HIVEP3: variants seen among roughly 807,000 people sequenced by gnomAD.
The protein encoded by HIVEP3 is HIVEP zinc finger 3.
HIVEP3 carries 49 observed loss-of-function variants against 152.8 expected under a neutral mutation model. The ratio of observed to expected loss-of-function variants is 0.32; its 90% CI spans 0.26 to 0.41. HIVEP3 has a LOEUF of 0.41. HIVEP3 is among the 10% of genes least tolerant of loss of function. The pLI is 1.00. For missense variants in HIVEP3, 2,790 were observed against 3,103.3 expected (o/e 0.90, Z 2.40); for synonymous variants, 1,269 against 1,289.0 (o/e 0.98, Z 0.33).
At position 41,584,444 on chromosome 1, in the gene HIVEP3, T is replaced by C. The variant is rs529220858; in HGVS notation, c.354A>G (p.Thr118=). The C allele has an allele frequency of 3.7e-6, 6 of 1,614,036 alleles. No individual in the cohort carries two copies. The highest frequency in any genetic ancestry group is 1.1e-5 in the South Asian group (1 of 91,078). ...GKPEHLLEGS[T]WQLVDPMRPG... The stretch of plus-strand genomic sequence containing the variant: ...GTCTCATGGGGTCAACCAGTTGCCA[T>C]GTGGACCCCTCCAGGAGATGCTCAG... The change falls in exon 4 of 9, where the codon ACA becomes ACG. Residue 118 remains threonine, a synonymous_variant. Transcript: ENST00000372583. The surrounding 1 kb of genome is among the most constrained non-coding windows in gnomAD (Gnocchi z 5.2).
At chr1:41,990,820 T>A (rs1407020062) in intron 1 of HIVEP3, among the ~76,000 whole-genome samples, 10 of 117,414 alleles carry the variant, frequency 8.5e-5, no homozygotes, top group African/African-American at 3.3e-4. Context: ...CACAGTGCAA[T>A]CAAACTAGAA....
At chr1:41,993,541 C>T (rs1443661837) in intron 1 of HIVEP3, among the ~76,000 whole-genome samples, 1 of 152,180 alleles carries the variant, frequency 6.6e-6, no homozygotes, top group Non-Finnish European at 1.5e-5. Context: ...AACACTTATA[C>T]ACTGTTGGTG....
intron 1 of HIVEP3, among the ~76,000 whole-genome samples, chr1:41,926,269 C>T (rs1426154675): frequency 1.3e-5 from 2 of 152,200 alleles, no homozygotes; most frequent in African/African-American, 4.8e-5. Context: ...AAGCCACACA[C>T]CTCCCCTGAC....
At chr1:41,734,698 G>C (rs1558222618) in intron 1 of HIVEP3, among the ~76,000 whole-genome samples, 1 of 152,178 alleles carries the variant, frequency 6.6e-6, no homozygotes, top group Non-Finnish European at 1.5e-5. Flanking sequence ...TTGGGCAGTA[G>C]GAAGTCCAGC....
intron 1 of HIVEP3, among the ~76,000 whole-genome samples, chr1:41,758,238 C>T (rs12126740): frequency 0.86 from 130,606 of 151,934 alleles, 58,862 homozygotes; most frequent in Non-Finnish European, 1. Context: ...GACACTATGT[C>T]TGGAGTGAGA....
chr1:41,662,263 C>T lies in HIVEP3; in HGVS notation c.-720-33316G>A, dbSNP rs2124048065. The stretch of plus-strand genomic sequence containing the variant: ...GCGCTCGGCTCCGCCCGGCTCGGCT[C>T]CGCCCGGCGGTGCCCCAGGCGCTCG... On this transcript the variant is annotated intron_variant, in intron 2 of 8. Coordinates refer to ENST00000372583, the MANE Select transcript of HIVEP3 (RefSeq NM_024503.5). This position sits in a 1 kb window ranked among gnomAD's most constrained non-coding sequence, Gnocchi z 7.2. The T allele has an allele frequency of 6.9e-6, 1 of 145,902 alleles. No individual in the cohort carries two copies. Among genetic ancestry groups the T allele is most frequent in the East Asian group, 2.0e-4 (1 of 5,012 alleles). 9.0% of individuals were successfully genotyped at this position (145,902 alleles called of 1,614,324 possible). A position where few individuals can be genotyped will look rare whatever the true frequency, so the allele number is the denominator to read the frequency against.
chr1:41,661,132 A>G (rs760199546), intron 2 of HIVEP3, among the ~76,000 whole-genome samples: 45 of 152,154 alleles, frequency 3.0e-4, no homozygotes, highest in Non-Finnish European at 4.9e-4. Context: ...CTCTGGGGAC[A>G]CTCATTCCAT....
At chr1:41,899,929 C>T (rs1042163857) in intron 1 of HIVEP3, among the ~76,000 whole-genome samples, 5 of 152,198 alleles carry the variant, frequency 3.3e-5, no homozygotes, top group African/African-American at 1.2e-4. Context: ...CCAAAACATT[C>T]TCAGGCCATG....
intron 3 of HIVEP3, among the ~76,000 whole-genome samples, chr1:41,617,452 G>GTT (rs1401714159): frequency 6.6e-6 from 1 of 152,184 alleles, no homozygotes; most frequent in East Asian, 1.9e-4. Flanking sequence ...CCCTGGGGTG[G>GTT]TTGAGGACAG....
chr1:41,688,006 A>G (rs1382311833), intron 2 of HIVEP3, among the ~76,000 whole-genome samples: 1 of 152,240 alleles, frequency 6.6e-6, no homozygotes, highest in Non-Finnish European at 1.5e-5. Flanking sequence ...AAATAAATAA[A>G]GAGGCTGAGT....
chr1:41,523,824 C>A (rs1226294079), intron 6 of HIVEP3, among the ~76,000 whole-genome samples: 1 of 152,228 alleles, frequency 6.6e-6, no homozygotes, highest in Non-Finnish European at 1.5e-5. Context: ...GATGTCCAAA[C>A]CCTGACCCAG....
At chr1:41,738,638 G>A (rs892258966) in intron 1 of HIVEP3, among the ~76,000 whole-genome samples, 1 of 152,156 alleles carries the variant, frequency 6.6e-6, no homozygotes, top group Non-Finnish European at 1.5e-5. Flanking sequence ...ACTCAGGCTT[G>A]GAAACCAGCG....
At chr1:41,716,794 G>A (rs1646600524) in intron 1 of HIVEP3, among the ~76,000 whole-genome samples, 1 of 152,210 alleles carries the variant, frequency 6.6e-6, no homozygotes, top group African/African-American at 2.4e-5. Flanking sequence ...GAGCTCAGAG[G>A]GGCTGGGGCA....
At chr1:41,909,816 TA>T (rs770913717) in intron 1 of HIVEP3, among the ~76,000 whole-genome samples, 45 of 151,938 alleles carry the variant, frequency 3.0e-4, no homozygotes, top group Middle Eastern at 6.8e-3. Flanking sequence ...ATAAGAAAAA[TA>T]AACAAACATT....
chr1:41,705,196 C>T (rs758410704), intron 1 of HIVEP3, among the ~76,000 whole-genome samples: 2 of 152,222 alleles, frequency 1.3e-5, no homozygotes, highest in African/African-American at 2.4e-5. Context: ...CCTGGATGGA[C>T]GCCTATGCCC....
intron 3 of HIVEP3, among the ~76,000 whole-genome samples, chr1:41,615,797 C>T (rs71652198): frequency 1.5e-5 from 2 of 137,148 alleles, no homozygotes; most frequent in Non-Finnish European, 3.0e-5. Flanking sequence ...TGCAGGGCTT[C>T]CACTGTATTT....
chr1:41,880,970 C>T (rs1557479603), intron 1 of HIVEP3, among the ~76,000 whole-genome samples: 1 of 152,204 alleles, frequency 6.6e-6, no homozygotes, highest in Non-Finnish European at 1.5e-5. Context: ...TCTAATATAA[C>T]ACTCTGGAAC....
chr1:41,577,738 A>T (rs1407597275), intron 4 of HIVEP3, among the ~76,000 whole-genome samples: 4 of 152,186 alleles, frequency 2.6e-5, no homozygotes, highest in Admixed American at 2.0e-4. Flanking sequence ...AGCTCAGTAC[A>T]GTAAAGAACC....
rs568110871 is a variant in HIVEP3 at position 41,527,750 on chromosome 1, C to A, written c.5208-2840G>T. Among the ~76,000 whole-genome samples, 6 of 148,592 alleles carry A rather than the reference C, an allele frequency of 4.0e-5. No homozygotes were observed. The South Asian group carries it at 1.3e-3, about 32-fold the overall frequency. On this transcript the variant is annotated intron_variant, in intron 5 of 8. Transcript: ENST00000372583. ...CTCACACATGCACCCTACACCCTCG[C>A]ATTCACCTTCACACTCCACACTCCT...
Sources: allele counts gnomAD v4.1 joint callset (sites outside exome capture counted in the v4.1 genomes callset), GRCh38; gene constraint gnomAD v4.1.1; non-coding constraint Gnocchi (gnomAD v3.1); transcripts MANE v1.5; gene names NCBI Gene and HGNC (gene_info 2026-07-23, HGNC 2026-07-21).